Variants in IMPACT observed in about 807,000 individuals in gnomAD.
IMPACT encodes the protein impact RWD domain protein.
A neutral mutation model predicts 47.5 loss-of-function variants in IMPACT; 35 were observed. The observed-to-expected ratio is 0.74, with a 90% CI of 0.56 to 0.98. The LOEUF (loss-of-function observed/expected upper bound fraction) is 0.98, where lower values mean the gene tolerates loss of function less well. Among genes scored for constraint, IMPACT ranks in the 50% least tolerant of loss-of-function variants. The pLI, the probability that IMPACT is intolerant of heterozygous loss-of-function variation, is 0.00. For synonymous variants in IMPACT, 118 were observed against 125.6 expected (o/e 0.94, Z 0.40); for missense variants, 373 against 394.8 (o/e 0.94, Z 0.47).
Position 24,428,042 on chromosome 18 carries a change from T to C in IMPACT, c.160T>C (p.Leu54=), listed in dbSNP as rs1416505997. The part of the protein sequence containing the change: ...DIDDPKWTLC[L]QVMLPNEYPG... ...AGATGACCCCAAATGGACACTTTGC[T>C]TGCAGGTACTTTTTCCCCCTTCCTT... The change falls in exon 2 of 11, where the codon TTG becomes CTG. Residue 54 remains leucine (L), a synonymous_variant. Coordinates refer to ENST00000284202, the MANE Select transcript of IMPACT (RefSeq NM_018439.4). 1 of 1,570,994 alleles carries C rather than the reference T, an allele frequency of 6.4e-7. No homozygotes were observed. The highest frequency in any genetic ancestry group is 8.6e-7 in the Non-Finnish European group (1 of 1,165,724).
At chr18:24,437,892 T>A (rs1908989061) in intron 4 of IMPACT, 63 bp from the exon 5 acceptor site, 2 of 797,744 alleles carry the variant, frequency 2.5e-6, no homozygotes, top group Non-Finnish European at 4.3e-6. Context: ...GTCTGTATCT[T>A]CTTGAATTTG....
chr18:24,449,958 G>C lies in IMPACT; in HGVS notation c.894+5G>C. ...AAGAACTACACAAATTCACCTGTAA[G>C]TGGCTCTTCGTACTACATCTAGAGA... On this transcript the variant is annotated splice_donor_5th_base_variant and intron_variant, in intron 10 of 10. Transcript: ENST00000284202. 6.2e-7 allele frequency: 1 copy of C among 1,613,618 alleles called. No homozygotes were observed. The highest frequency in any genetic ancestry group is 1.1e-5 in the South Asian group (1 of 91,064).
chr18:24,432,490 G>C (rs1368407123), intron 4 of IMPACT, among the ~76,000 whole-genome samples: 1 of 152,002 alleles, frequency 6.6e-6, no homozygotes, highest in African/African-American at 2.4e-5. Flanking sequence ...GTGAGTTGTT[G>C]TGGAATCCAT....
At position 24,450,961 on chromosome 18, in the gene IMPACT, A is replaced by C; in HGVS notation, c.*114A>C. 1.8e-6 allele frequency: 1 copy of C among 567,948 alleles called. No individual in the cohort carries two copies. The highest frequency in any genetic ancestry group is 3.1e-6 in the Non-Finnish European group (1 of 322,998). 35.2% of individuals were successfully genotyped at this position (567,948 alleles called of 1,614,324 possible). A position where few individuals can be genotyped will look rare whatever the true frequency, so the allele number is the denominator to read the frequency against. On this transcript the variant is annotated 3_prime_UTR_variant, in exon 11 of 11. Coordinates refer to ENST00000284202, the MANE Select transcript of IMPACT (RefSeq NM_018439.4). ...CTTGACTGCTTAAGTCAGCCAGTTC[A>C]GCATGGATACCAACATTAGCTTTTC...
At chr18:24,442,709 C>A (rs1390914310) in intron 6 of IMPACT, among the ~76,000 whole-genome samples, 1 of 152,106 alleles carries the variant, frequency 6.6e-6, no homozygotes, top group African/African-American at 2.4e-5. Flanking sequence ...GGTTTCAGGA[C>A]TCCTTTACAC....
In IMPACT at chr18:24,440,408, A is replaced by G. The variant is rs1274531970; in HGVS notation, c.368-88A>G. The G allele has an allele frequency of 4.3e-6, 6 of 1,394,578 alleles. No homozygotes were observed. The Admixed American group carries it at 1.3e-4, about 30-fold the overall frequency. 86.4% of individuals were successfully genotyped at this position (1,394,578 alleles called of 1,614,324 possible). On this transcript the variant is annotated intron_variant, in intron 5 of 10. Coordinates refer to ENST00000284202, the MANE Select transcript of IMPACT (RefSeq NM_018439.4). ...CTGGTTCCTTTCGTTGAAGAGTGGT[A>G]TTTAGAACCCAAGACCCAGTGATTT...
At chr18:24,439,733 A>C (rs912133470) in intron 5 of IMPACT, 4 of 152,408 alleles carry the variant, frequency 2.6e-5, no homozygotes, top group African/African-American at 9.7e-5. Context: ...AATCACTTGA[A>C]CCTGGGAGGC....
intron 7 of IMPACT, among the ~76,000 whole-genome samples, chr18:24,443,355 T>C (rs1303375264): frequency 1.3e-5 from 2 of 152,196 alleles, no homozygotes; most frequent in Non-Finnish European, 2.9e-5. Context: ...TTCTTTTTTT[T>C]TGTGATGGTG....
chr18:24,440,359 A>T (rs1447599884), intron 5 of IMPACT, 137 bp from the exon 6 acceptor site: 1 of 794,120 alleles, frequency 1.3e-6, no homozygotes, highest in East Asian at 3.0e-5. Flanking sequence ...TCAGGAATCA[A>T]CCAGTTCTCC....
At chr18:24,442,303 G>A (rs960119197) in intron 6 of IMPACT, among the ~76,000 whole-genome samples, 2 of 151,896 alleles carry the variant, frequency 1.3e-5, no homozygotes, top group Non-Finnish European at 2.9e-5. Flanking sequence ...ACAGGCACAC[G>A]CCACCATGCC....
chr18:24,433,022 T>C (rs1413711432), intron 4 of IMPACT, among the ~76,000 whole-genome samples: 1 of 152,102 alleles, frequency 6.6e-6, no homozygotes, highest in African/African-American at 2.4e-5. Context: ...ACTAGTTCAC[T>C]TGAGCTATTT....
chr18:24,449,456 G>C (rs1259229159), intron 9 of IMPACT, among the ~76,000 whole-genome samples: 1 of 152,046 alleles, frequency 6.6e-6, no homozygotes, highest in Admixed American at 6.5e-5. Context: ...GGTTTTTTTT[G>C]TTGTTATTTG....
intron 9 of IMPACT, among the ~76,000 whole-genome samples, chr18:24,449,393 G>A (rs1211966707): frequency 6.6e-6 from 1 of 152,158 alleles, no homozygotes; most frequent in Non-Finnish European, 1.5e-5. Flanking sequence ...CTTACTAATA[G>A]CACCAGGGAT....
chr18:24,435,471 T>C (rs950453850), intron 4 of IMPACT: 2 of 152,210 alleles, frequency 1.3e-5, no homozygotes, highest in African/African-American at 4.8e-5. Flanking sequence ...TCTGAGAAAA[T>C]AATTTTTGAA....
chr18:24,428,848 G>A (rs566723313), intron 2 of IMPACT, 21 bp from the exon 3 acceptor site: 3 of 1,601,832 alleles, frequency 1.9e-6, no homozygotes, highest in Non-Finnish European at 8.5e-7. Flanking sequence ...GTAAACAGAT[G>A]TTTTTGAACC....
intron 3 of IMPACT, chr18:24,429,758 T>C (rs1488512370): frequency 2.0e-5 from 3 of 150,738 alleles, no homozygotes; most frequent in African/African-American, 7.4e-5. Flanking sequence ...AGAATTCTTA[T>C]AAACATAAAT....
In IMPACT at chr18:24,450,065, C is replaced by T. The variant is rs73398296; in HGVS notation, c.894+112C>T. ...GAATGTGAGTGGTGAATTGGTAAAACCTTTGGACTCAGAACCTGGAGACCT... is the reference window on the plus strand; with the variant it reads ...GAATGTGAGTGGTGAATTGGTAAAATCTTTGGACTCAGAACCTGGAGACCT... On this transcript the variant is annotated intron_variant, in intron 10 of 10. Transcript: ENST00000284202. The T allele has an allele frequency of 2.5e-3, 2,876 of 1,163,366 alleles. 49 individuals are homozygous for T. The African/African-American group carries it at 0.041, about 16-fold the overall frequency. The allele number at this position is 1,163,366 out of a possible 1,614,324, so 72.1% of individuals were successfully genotyped here. A position where few individuals can be genotyped will look rare whatever the true frequency, so the allele number is the denominator to read the frequency against.
chr18:24,436,972 T>A (rs1201762268), intron 4 of IMPACT, among the ~76,000 whole-genome samples: 1 of 152,226 alleles, frequency 6.6e-6, no homozygotes, highest in Non-Finnish European at 1.5e-5. Flanking sequence ...TTTACTGTTA[T>A]ATCAACCAAT....
intron 4 of IMPACT, among the ~76,000 whole-genome samples, chr18:24,436,192 T>C (rs1229776915): frequency 2.0e-5 from 3 of 152,206 alleles, no homozygotes; most frequent in Non-Finnish European, 4.4e-5. Context: ...AAAAAGGGGA[T>C]AATATTGTAA....
Sources: gnomAD v4.1 joint callset for allele counts (sites outside exome capture counted in the v4.1 genomes callset) on GRCh38, gnomAD v4.1.1 for gene constraint, MANE v1.5 for transcripts, NCBI Gene and HGNC (gene_info 2026-07-23, HGNC 2026-07-21) for gene names.